The following BTG4 variants were observed in gnomAD, a reference collection of about 807,000 sequenced individuals.
The protein encoded by BTG4 is BTG anti-proliferation factor 4, also known as protein BTG4.
Under a neutral mutation model 19.3 loss-of-function variants are expected in BTG4, and 10 were observed. That is an observed-to-expected ratio of 0.52 (90% confidence interval 0.32 to 0.88). The LOEUF (loss-of-function observed/expected upper bound fraction) is 0.88. BTG4 is among the 40% of genes least tolerant of loss of function. The probability of loss-of-function intolerance (pLI) is 0.04; values close to 1 mark genes in which losing one functional copy is unlikely to be tolerated. For missense variants in BTG4, 238 were observed against 281.9 expected (o/e 0.84, Z 1.11); for synonymous variants, 91 against 95.7 (o/e 0.95, Z 0.29).
the BTG4 span, among the ~76,000 whole-genome samples, chr11:111,415,535 G>A: frequency 1.7e-3 from 265 of 152,352 alleles, 1 homozygote; most frequent in African/African-American, 5.8e-3. Context: ...GGTTCCTGGT[G>A]TATCTCCTGA....
the BTG4 span, among the ~76,000 whole-genome samples, chr11:111,397,400 A>G: frequency 6.6e-6 from 1 of 152,102 alleles, no homozygotes; most frequent in African/African-American, 2.4e-5. Flanking sequence ...AGGATCCAGC[A>G]TATTCAGCTT....
the BTG4 span, chr11:111,456,738 C>T: frequency 9.3e-6 from 3 of 321,886 alleles, no homozygotes; most frequent in South Asian, 2.4e-5. This position sits in a 1 kb window ranked among gnomAD's most constrained non-coding sequence, Gnocchi z 4.2. Context: ...ACACCAATGC[C>T]GGTGAGCCCC....
At chr11:111,399,732 G>A in the BTG4 span, among the ~76,000 whole-genome samples, 2 of 152,176 alleles carry the variant, frequency 1.3e-5, no homozygotes, top group African/African-American at 4.8e-5. Context: ...AAATTTACTA[G>A]AGAACTTCCA....
At chr11:111,507,182 A>C (rs190825700) in intron 1 of BTG4, among the ~76,000 whole-genome samples, 8 of 152,130 alleles carry the variant, frequency 5.3e-5, no homozygotes, top group African/African-American at 1.4e-4. Flanking sequence ...CATTCTTGTA[A>C]ATCAATTAAT....
the BTG4 span, chr11:111,456,488 G>A: frequency 0.96 from 438,656 of 456,352 alleles, 213,025 homozygotes; most frequent in East Asian, 1. This position sits in a 1 kb window ranked among gnomAD's most constrained non-coding sequence, Gnocchi z 4.2. Flanking sequence ...GCCCAGGGCT[G>A]AGCAGGCAAT....
At position 111,495,129 on chromosome 11, in the gene BTG4, G is replaced by T; in HGVS notation, c.*6C>A. The T allele has an allele frequency of 6.6e-7, 1 of 1,521,804 alleles. No homozygotes were observed. Among genetic ancestry groups the T allele is most frequent in the East Asian group, 2.4e-5 (1 of 41,954 alleles). The allele number at this position is 1,521,804 out of a possible 1,614,324, so 94.3% of individuals were successfully genotyped here. On this transcript the variant is annotated 3_prime_UTR_variant, in exon 5 of 5. Transcript: ENST00000692032. ...GCTCTTGCCCACCACGTGCCCAGTC[G>T]CTGCGTCATCGGTGTGTGTTGACCC...
chr11:111,482,782 T>C (rs1172499064), intron 5 of BTG4, among the ~76,000 whole-genome samples: 1 of 149,806 alleles, frequency 6.7e-6, no homozygotes, highest in Non-Finnish European at 1.5e-5. Context: ...TGGTATCTCA[T>C]ACAAAAAATT....
the BTG4 span, among the ~76,000 whole-genome samples, chr11:111,421,957 G>T: frequency 6.6e-6 from 1 of 151,910 alleles, no homozygotes; most frequent in African/African-American, 2.4e-5. Flanking sequence ...GCAATTTTTC[G>T]TGATACCATT....
At chr11:111,434,465 G>A in the BTG4 span, among the ~76,000 whole-genome samples, 1 of 152,026 alleles carries the variant, frequency 6.6e-6, no homozygotes, top group African/African-American at 2.4e-5. Flanking sequence ...GTTGATGGGT[G>A]CAGCAAACCA....
the BTG4 span, chr11:111,397,992 CT>C: frequency 6.6e-6 from 1 of 152,196 alleles, no homozygotes; most frequent in Non-Finnish European, 1.5e-5. Context: ...CTACCACAAC[CT>C]TATCCTCTGC....
the BTG4 span, among the ~76,000 whole-genome samples, chr11:111,389,022 T>C: frequency 1.3e-5 from 2 of 152,108 alleles, no homozygotes; most frequent in Admixed American, 1.3e-4. Context: ...ACCATGAAAA[T>C]AGGAATTACA....
At chr11:111,419,206 A>G in the BTG4 span, among the ~76,000 whole-genome samples, 1 of 152,230 alleles carries the variant, frequency 6.6e-6, no homozygotes, top group Non-Finnish European at 1.5e-5. Context: ...GGAGGAGAAG[A>G]AGGAGGCTGC....
At chr11:111,385,316 A>G in the BTG4 span, 1 of 152,162 alleles carries the variant, frequency 6.6e-6, no homozygotes, top group Non-Finnish European at 1.5e-5. Flanking sequence ...ATAAGTTGGC[A>G]GGATAGGTTC....
chr11:111,421,618 C>T, the BTG4 span, among the ~76,000 whole-genome samples: 6 of 152,126 alleles, frequency 3.9e-5, no homozygotes, highest in Admixed American at 3.3e-4. Context: ...CTAAGGCTTA[C>T]AAAAAGTAGA....
chr11:111,407,203 A>C, the BTG4 span, among the ~76,000 whole-genome samples: 2 of 148,496 alleles, frequency 1.3e-5, no homozygotes, highest in African/African-American at 2.4e-5. Context: ...TTATACATAT[A>C]AGTATATAGT....
chr11:111,406,025 T>C, the BTG4 span, among the ~76,000 whole-genome samples: 1 of 152,230 alleles, frequency 6.6e-6, no homozygotes, highest in Admixed American at 6.5e-5. Flanking sequence ...TTGCAATGTA[T>C]ATGCTTTATT....
rs1486329922 is a variant in BTG4, at chr11:111,498,895, A to T, written c.-26-93T>A. On this transcript the variant is annotated intron_variant, in intron 1 of 4. Transcript: ENST00000692032. The stretch of plus-strand genomic sequence containing the variant: ...GCCATTTGGAAATTTTACATACCTT[A>T]AAGTTAAAACTGAGAAAATCTGCTA... The T allele has an allele frequency of 5.8e-6, 5 of 862,562 alleles. No individual in the cohort carries two copies. The South Asian group carries it at 9.5e-5, about 16-fold the overall frequency. The allele number at this position is 862,562 out of a possible 1,614,324, so 53.4% of individuals were successfully genotyped here.
chr11:111,496,929 TAGGA>T (rs1218473464), intron 4 of BTG4: 1 of 377,720 alleles, frequency 2.6e-6, no homozygotes, highest in African/African-American at 2.1e-5. Flanking sequence ...TTTGATTCTG[TAGGA>T]ATTTAAGTGG....
the BTG4 span, among the ~76,000 whole-genome samples, chr11:111,406,079 C>T: frequency 6.6e-6 from 1 of 152,220 alleles, no homozygotes; most frequent in Non-Finnish European, 1.5e-5. Context: ...ACTGCCCTTA[C>T]TTCAGAGAAG....
Sources: gnomAD v4.1 joint callset for allele counts (sites outside exome capture counted in the v4.1 genomes callset) on GRCh38, gnomAD v4.1.1 for gene constraint, Gnocchi (gnomAD v3.1) non-coding constraint, MANE v1.5 for transcripts, NCBI Gene and HGNC (gene_info 2026-07-23, HGNC 2026-07-21) for gene names.